Variants in CYFIP1 observed in about 807,000 individuals in gnomAD.
The protein encoded by CYFIP1 is cytoplasmic FMR1-interacting protein 1.
Under a neutral mutation model 163.5 loss-of-function variants are expected in CYFIP1, and 58 were observed. The observed-to-expected ratio is 0.35, with a 90% CI of 0.29 to 0.44. CYFIP1 has a LOEUF of 0.44. CYFIP1 is among the 20% of genes least tolerant of loss of function. The pLI is 1.00. For missense variants in CYFIP1, 1,338 were observed against 1,653.8 expected (o/e 0.81, Z 3.31); for synonymous variants, 663 against 660.7 (o/e 1.00, Z -0.05).
At chr15:22,908,396 C>T (rs1378338540) in intron 21 of CYFIP1, among the ~76,000 whole-genome samples, 1 of 151,744 alleles carries the variant, frequency 6.6e-6, no homozygotes, top group Non-Finnish European at 1.5e-5. Flanking sequence ...GTCCAGATAA[C>T]AGGAGAAGGA....
chr15:22,916,265 G>C (rs1407425300), intron 16 of CYFIP1, among the ~76,000 whole-genome samples: 1 of 152,226 alleles, frequency 6.6e-6, no homozygotes, highest in African/African-American at 2.4e-5. Flanking sequence ...GGCCAGCCCG[G>C]GCTCCTCAGT....
At chr15:22,951,617 G>GAC in intron 1 of CYFIP1, 2 of 1,209,332 alleles carry the variant, frequency 1.7e-6, no homozygotes, top group Non-Finnish European at 1.1e-6. Context: ...CTGGGGGCGT[G>GAC]TCCAGTCATG....
Position 22,869,880 on chromosome 15 carries a change from G to T in CYFIP1, c.*148C>A. The T allele has an allele frequency of 1.5e-6, 1 of 647,240 alleles. No homozygotes were observed. Among genetic ancestry groups the T allele is most frequent in the Non-Finnish European group, 2.3e-6 (1 of 440,440 alleles). The allele number at this position is 647,240 out of a possible 1,614,324, so 40.1% of individuals were successfully genotyped here. Reference sequence around the variant, plus strand: ...ATACAATTTTAGTCTAGAAAAATAAGTCAATTTTATAAAATTAAGTTTTTA... The same window carrying T: ...ATACAATTTTAGTCTAGAAAAATAATTCAATTTTATAAAATTAAGTTTTTA... On this transcript the variant is annotated 3_prime_UTR_variant, in exon 31 of 31. Transcript: ENST00000617928.
At chr15:22,963,093 A>C (rs1324398133) in intron 1 of CYFIP1, among the ~76,000 whole-genome samples, 1 of 152,230 alleles carries the variant, frequency 6.6e-6, no homozygotes, top group Non-Finnish European at 1.5e-5. Flanking sequence ...ATTCTTAGGA[A>C]ATAGACACTG....
At chr15:22,942,652 G>GGGAGA (rs2140090990) in intron 6 of CYFIP1, among the ~76,000 whole-genome samples, 1 of 152,314 alleles carries the variant, frequency 6.6e-6, no homozygotes, top group South Asian at 2.1e-4. Flanking sequence ...AAAACCACCA[G>GGGAGA]GGAGAGGATC....
rs2062093873 is a variant in CYFIP1 at position 22,947,277 on chromosome 15, GGCC to G, written c.6_8del (p.Ala3del). On this transcript the variant is annotated inframe_deletion, in exon 2 of 31. Coordinates refer to ENST00000617928, the MANE Select transcript of CYFIP1 (RefSeq NM_014608.6). ...ACAGCGCGTCCTCCAGAGTCACCTG[GGCC>G]GCCATCCTGGGCTGGAACAACACAT... The G allele has an allele frequency of 6.2e-7, 1 of 1,613,776 alleles. No homozygotes were observed. The highest frequency in any genetic ancestry group is 8.5e-7 in the Non-Finnish European group (1 of 1,179,858).
At chr15:22,873,005 T>G in intron 29 of CYFIP1, 33 bp from the exon 30 acceptor site, 2 of 1,610,772 alleles carry the variant, frequency 1.2e-6, no homozygotes, top group Non-Finnish European at 1.7e-6. Context: ...GAATGGGAGA[T>G]GAGTGATACG....
intron 23 of CYFIP1, among the ~76,000 whole-genome samples, chr15:22,883,631 C>A (rs1361798560): frequency 4.6e-5 from 7 of 152,156 alleles, no homozygotes; most frequent in East Asian, 3.9e-4. Flanking sequence ...TCCTGGCTAA[C>A]ACGGTGAAAC....
chr15:22,948,716 G>GA (rs1487747949), intron 1 of CYFIP1, among the ~76,000 whole-genome samples: 2 of 146,956 alleles, frequency 1.4e-5, no homozygotes, highest in African/African-American at 2.5e-5. Flanking sequence ...CAAACTGAAT[G>GA]AAAAAATGGA....
At position 22,873,644 on chromosome 15, in the gene CYFIP1, C is replaced by T. The variant is rs1020500529; in HGVS notation, c.3296G>A (p.Arg1099Gln). ...GGGGTCATCCAGAAAGCTCCGGATCCGTGTCAGGATGACCTCAAACATGGA... is the reference window on the plus strand; with the variant it reads ...GGGGTCATCCAGAAAGCTCCGGATCTGTGTCAGGATGACCTCAAACATGGA... ...GLSMFEVILT[R>Q]IRSFLDDPIW... Residue 1099 changes from arginine (R) to glutamine (Q), a missense_variant, in exon 29 of 31, where the codon CGG (arginine) becomes CAG (glutamine). Around this residue, in one of 4 missense-constraint regions of CYFIP1, gnomAD observed 306 missense variants for 322.1 expected, o/e 0.95. Coordinates refer to ENST00000617928, the MANE Select transcript of CYFIP1 (RefSeq NM_014608.6). 5 of 1,614,142 alleles carry T rather than the reference C, an allele frequency of 3.1e-6. No homozygotes were observed. Among genetic ancestry groups the T allele is most frequent in the African/African-American group, 1.3e-5 (1 of 74,954 alleles).
chr15:22,906,800 T>C (rs1355892650), intron 21 of CYFIP1, among the ~76,000 whole-genome samples: 2 of 152,200 alleles, frequency 1.3e-5, no homozygotes, highest in Admixed American at 6.5e-5. Context: ...TTTAGCTCAC[T>C]GTGAAAGATG....
intron 1 of CYFIP1, among the ~76,000 whole-genome samples, chr15:22,976,611 G>A (rs996529814): frequency 7.6e-6 from 1 of 132,172 alleles, no homozygotes; most frequent in Non-Finnish European, 1.8e-5. Flanking sequence ...TTGAAAGAGA[G>A]AACACATTTA....
chr15:22,935,251 G>C (rs977852343), intron 9 of CYFIP1, among the ~76,000 whole-genome samples: 2 of 152,322 alleles, frequency 1.3e-5, no homozygotes, highest in East Asian at 3.9e-4. Flanking sequence ...AGCAGGGATG[G>C]AGGCTTGTGG....
chr15:22,907,635 C>T (rs1243964169), intron 21 of CYFIP1, among the ~76,000 whole-genome samples: 3 of 152,218 alleles, frequency 2.0e-5, no homozygotes, highest in Admixed American at 6.5e-5. Context: ...GGCCATGCAC[C>T]AATGACCACG....
chr15:22,917,213 T>C lies in CYFIP1; in HGVS notation c.1674+575A>G. The C allele has an allele frequency of 7.1e-7, 1 of 1,415,778 alleles. No homozygotes were observed. The highest frequency in any genetic ancestry group is 9.2e-7 in the Non-Finnish European group (1 of 1,092,218). 87.7% of individuals were successfully genotyped at this position (1,415,778 alleles called of 1,614,324 possible). The stretch of plus-strand genomic sequence containing the variant: ...CCAGCAGCGTGCATTGCTGGTGACT[T>C]TCCAGAAGAGTGGCAGAAGAGATTA... On this transcript the variant is annotated intron_variant, in intron 15 of 30. Transcript: ENST00000617928. The surrounding 1 kb of genome is among the most constrained non-coding windows in gnomAD (Gnocchi z 4.2).
At position 22,892,761 on chromosome 15, in the gene CYFIP1, A is replaced by G. The variant is rs912434657; in HGVS notation, c.2676+129T>C. On this transcript the variant is annotated intron_variant, in intron 23 of 30. Transcript: ENST00000617928. ...TTTCAGGAAGATGTTAACAGAATGG[A>G]AAAAAAAAATAACATTTTATACACA... is the stretch of plus-strand genomic sequence containing the variant. The G allele has an allele frequency of 1.5e-5, 9 of 586,342 alleles. No individual in the cohort carries two copies. In the East Asian group the frequency reaches 1.6e-4, roughly 11 times the overall value. The allele number at this position is 586,342 out of a possible 1,614,324, so 36.3% of individuals were successfully genotyped here.
At position 22,894,875 on chromosome 15, in the gene CYFIP1, A is replaced by AT. The variant is rs1404769023; in HGVS notation, c.2589-1899dup. On this transcript the variant is annotated intron_variant, in intron 22 of 30. Coordinates refer to ENST00000617928, the MANE Select transcript of CYFIP1 (RefSeq NM_014608.6). ...TATATTATATATTTTATATATATAT[A>AT]TATTTTTTTTTTTTTTGTCACCCAC... 7.1e-4 allele frequency among the ~76,000 whole-genome samples: 76 copies of AT among 107,736 alleles called. No homozygotes were observed. In the East Asian group the frequency reaches 9.7e-3, roughly 14 times the overall value. 70.7% of individuals were successfully genotyped at this position (107,736 alleles called of 152,430 possible).
chr15:22,910,602 G>C lies in CYFIP1; in HGVS notation c.2186C>G (p.Ser729Ter). 1 of 1,614,158 alleles carries C rather than the reference G, an allele frequency of 6.2e-7. No individual in the cohort carries two copies. The highest frequency in any genetic ancestry group is 8.5e-7 in the Non-Finnish European group (1 of 1,179,988). Residue 729 changes from serine (S) to a stop codon, truncating the protein, a stop_gained, in exon 20 of 31, where the codon TCA becomes TGA. Transcript: ENST00000617928. LOFTEE classifies it high-confidence loss of function. Reference sequence around the variant, plus strand: ...CGTGGCTCCCTGATTCTTGCATTCTGATCGTAACCGTTTATCAAGAAGCAA... The same window carrying C: ...CGTGGCTCCCTGATTCTTGCATTCTCATCGTAACCGTTTATCAAGAAGCAA... ...GSLLLDKRLR[S>*]ECKNQGATIH...
rs1241624303 is a variant in CYFIP1 at position 22,918,822 on chromosome 15, C to T, written c.1396G>A (p.Gly466Ser). 1.2e-6 allele frequency: 2 copies of T among 1,612,462 alleles called. No homozygotes were observed. The highest frequency in any genetic ancestry group is 8.5e-7 in the Non-Finnish European group (1 of 1,179,190). The change falls in exon 14 of 31, where the codon GGC becomes AGC. Residue 466 changes from glycine (G) to serine (S), a missense_variant. Physicochemically the swap from Gly to Ser is moderately conservative, Grantham distance 56. This residue lies in a region of CYFIP1 where 824 missense variants were observed against 995.7 expected (regional missense o/e 0.83). Coordinates refer to ENST00000617928, the MANE Select transcript of CYFIP1 (RefSeq NM_014608.6). ...AMIKGLQVLM[G>S]RMESVFNHAI... Reference sequence around the variant, plus strand: ...TGGTTGAACACGCTCTCCATCCTGCCCATCAGCACCTGCAGGCCTTTGATC... The same window carrying T: ...TGGTTGAACACGCTCTCCATCCTGCTCATCAGCACCTGCAGGCCTTTGATC...
Sources: gnomAD v4.1 joint callset for allele counts (sites outside exome capture counted in the v4.1 genomes callset) on GRCh38, gnomAD v4.1.1 for gene constraint, gnomAD v4.1.1 regional missense constraint, Gnocchi (gnomAD v3.1) non-coding constraint, MANE v1.5 for transcripts, NCBI Gene and HGNC (gene_info 2026-07-23, HGNC 2026-07-21) for gene names.